The following RBFOX1 variants were observed in gnomAD, a reference collection of about 807,000 sequenced individuals.
RBFOX1 encodes RNA binding protein fox-1 homolog 1.
A neutral mutation model predicts 57.7 loss-of-function variants in RBFOX1; 8 were observed. The observed-to-expected ratio is 0.14, with a 90% CI of 0.08 to 0.25. The LOEUF is 0.25. Ranked by LOEUF, RBFOX1 falls within the 10% of genes least tolerant of loss-of-function variation. The pLI, the probability that RBFOX1 is intolerant of heterozygous loss-of-function variation, is 1.00. For synonymous variants in RBFOX1, 326 were observed against 222.4 expected (o/e 1.47, Z -4.15); for missense variants, 611 against 548.5 (o/e 1.11, Z -1.14).
intron 12 of RBFOX1, among the ~76,000 whole-genome samples, chr16:7,659,968 G>C (rs6501006): frequency 0.58 from 88,141 of 151,860 alleles, 26,462 homozygotes; most frequent in Admixed American, 0.68. Context: ...GCTAGTTTCT[G>C]ATCCCCCCAA....
chr16:5,367,709 G>T (rs1001038258), intron 1 of RBFOX1, among the ~76,000 whole-genome samples: 1 of 152,102 alleles, frequency 6.6e-6, no homozygotes, highest in East Asian at 1.9e-4. Context: ...TCATAACTGC[G>T]CTAAAAGGTA....
At chr16:5,582,124 C>T (rs1208103884) in intron 2 of RBFOX1, among the ~76,000 whole-genome samples, 2 of 152,194 alleles carry the variant, frequency 1.3e-5, no homozygotes, top group South Asian at 2.1e-4. Context: ...CAGGCAGTCT[C>T]GAGGGAGCCC....
At chr16:5,906,321 C>T (rs960020572) in intron 4 of RBFOX1, among the ~76,000 whole-genome samples, 7 of 152,190 alleles carry the variant, frequency 4.6e-5, no homozygotes, top group African/African-American at 1.7e-4. Flanking sequence ...TGGACACAAA[C>T]ACGCACGTGG....
intron 3 of RBFOX1, among the ~76,000 whole-genome samples, chr16:5,839,272 C>CA (rs2056552178): frequency 6.6e-6 from 1 of 152,148 alleles, no homozygotes; most frequent in South Asian, 2.1e-4. Context: ...GAAAGTCTTA[C>CA]AAAAAATCAC....
intron 5 of RBFOX1, among the ~76,000 whole-genome samples, chr16:7,525,088 C>A (rs1444067597): frequency 6.6e-6 from 1 of 152,198 alleles, no homozygotes; most frequent in African/African-American, 2.4e-5. Flanking sequence ...TATGCAAATG[C>A]AAGCATATGC....
intron 1 of RBFOX1, among the ~76,000 whole-genome samples, chr16:5,397,657 T>A (rs1336011304): frequency 1.3e-5 from 2 of 152,208 alleles, no homozygotes; most frequent in Non-Finnish European, 2.9e-5. Flanking sequence ...ACTGCTGTGG[T>A]TTAAAAGAGA....
chr16:6,851,580 G>C (rs1237340803), intron 3 of RBFOX1, among the ~76,000 whole-genome samples: 1 of 152,098 alleles, frequency 6.6e-6, no homozygotes, highest in East Asian at 1.9e-4. Flanking sequence ...AATTGTAAGA[G>C]CTTTCCCCTA....
intron 3 of RBFOX1, among the ~76,000 whole-genome samples, chr16:7,044,916 A>G (rs1323389716): frequency 6.6e-6 from 1 of 152,122 alleles, no homozygotes; most frequent in Non-Finnish European, 1.5e-5. Flanking sequence ...TAAGAGCCTC[A>G]TTAGTTGCAG....
chr16:6,638,723 A>T (rs1162226649), intron 2 of RBFOX1, among the ~76,000 whole-genome samples: 1 of 152,214 alleles, frequency 6.6e-6, no homozygotes. Flanking sequence ...AGTACAAAAA[A>T]TTGAGAGGAA....
intron 3 of RBFOX1, among the ~76,000 whole-genome samples, chr16:6,935,586 C>G (rs72772288): frequency 0.12 from 18,325 of 152,236 alleles, 1,236 homozygotes; most frequent in East Asian, 0.16. Flanking sequence ...ATTCAAAAAT[C>G]TGTGACCTAT....
intron 3 of RBFOX1, among the ~76,000 whole-genome samples, chr16:5,661,560 A>G (rs1049333936): frequency 3.3e-5 from 5 of 152,216 alleles, no homozygotes; most frequent in African/African-American, 1.2e-4. Context: ...TACTTAATTG[A>G]CAAAACTTGT....
chr16:7,370,681 T>A (rs2097549382), intron 4 of RBFOX1, among the ~76,000 whole-genome samples: 1 of 152,232 alleles, frequency 6.6e-6, no homozygotes, highest in South Asian at 2.1e-4. Flanking sequence ...ATCTTGCTAG[T>A]TCATATTGAA....
At chr16:5,415,239 G>A (rs780535552) in intron 1 of RBFOX1, among the ~76,000 whole-genome samples, 1 of 152,190 alleles carries the variant, frequency 6.6e-6, no homozygotes, top group Non-Finnish European at 1.5e-5. Flanking sequence ...CATGGCAGAA[G>A]GTGAGGGGGA....
chr16:7,478,572 A>T (rs900901298), intron 4 of RBFOX1, among the ~76,000 whole-genome samples: 3 of 152,156 alleles, frequency 2.0e-5, no homozygotes, highest in Non-Finnish European at 4.4e-5. Context: ...GGGCATTGGC[A>T]CACCTCACAG....
chr16:5,412,778 C>T (rs893320509), intron 1 of RBFOX1, among the ~76,000 whole-genome samples: 1 of 152,248 alleles, frequency 6.6e-6, no homozygotes, highest in Non-Finnish European at 1.5e-5. Flanking sequence ...TCAGCCCGCC[C>T]TAGGGCTGGC....
chr16:7,198,155 G>A (rs538859594), intron 4 of RBFOX1, among the ~76,000 whole-genome samples: 481 of 151,918 alleles, frequency 3.2e-3, no homozygotes, highest in Middle Eastern at 6.8e-3. Context: ...ACAGGCACCC[G>A]CCACCACAGC....
intron 4 of RBFOX1, among the ~76,000 whole-genome samples, chr16:7,155,712 A>AAAAAAATAT (rs1195367029): frequency 2.6e-5 from 2 of 77,420 alleles, no homozygotes; most frequent in African/African-American, 1.3e-4. Flanking sequence ...AAAAAAAAAA[A>AAAAAAATAT]ATATATATAT....
chr16:5,950,656 C>G (rs552025205), intron 4 of RBFOX1, among the ~76,000 whole-genome samples: 1 of 152,214 alleles, frequency 6.6e-6, no homozygotes. Context: ...TTATTTTGCA[C>G]TTACCTGGCC....
intron 4 of RBFOX1, among the ~76,000 whole-genome samples, chr16:7,336,410 TC>T (rs1343024177): frequency 1.3e-5 from 2 of 152,232 alleles, no homozygotes; most frequent in African/African-American, 4.8e-5. Context: ...TCCCATTTCA[TC>T]CAGGTCTGAC....
Sources: allele counts gnomAD v4.1 joint callset (sites outside exome capture counted in the v4.1 genomes callset), GRCh38; gene constraint gnomAD v4.1.1; transcripts MANE v1.5; gene names NCBI Gene and HGNC (gene_info 2026-07-23, HGNC 2026-07-21).